The following BCAM variants were observed in gnomAD, a reference collection of about 807,000 sequenced individuals.
BCAM encodes the protein basal cell adhesion molecule (Lutheran blood group), also known as basal cell adhesion molecule.
Under a neutral mutation model 72.4 loss-of-function variants are expected in BCAM, and 61 were observed. The observed-to-expected ratio is 0.84, with a 90% CI of 0.69 to 1.04. The LOEUF (loss-of-function observed/expected upper bound fraction) is 1.04. BCAM is among the 50% of genes least tolerant of loss of function. The pLI is 0.00. For missense variants in BCAM, 909 were observed against 895.0 expected (o/e 1.02, Z -0.20); for synonymous variants, 408 against 384.2 (o/e 1.06, Z -0.73).
Position 44,812,143 on chromosome 19 carries a change from A to C in BCAM, c.205-20A>C. ...GAGCGCTGGGACACCCGGAGCTGAG[A>C]GCCTGCCCCGCGCCCACAGACCGAC... On this transcript the variant is annotated intron_variant, in intron 2 of 14. Transcript: ENST00000270233. The surrounding 1 kb of genome is among the most constrained non-coding windows in gnomAD (Gnocchi z 5.3). 6.3e-7 allele frequency: 1 copy of C among 1,581,118 alleles called. No individual in the cohort carries two copies. The highest frequency in any genetic ancestry group is 1.1e-5 in the South Asian group (1 of 88,296).
In BCAM at chr19:44,819,336, G is replaced by C. The variant is rs750637876; in HGVS notation, c.1474-10G>C. On this transcript the variant is annotated splice_polypyrimidine_tract_variant and intron_variant, in intron 11 of 14. Coordinates refer to ENST00000270233, the MANE Select transcript of BCAM (RefSeq NM_005581.5). ...CCCCACCAGCCGGGGCCTGATCGGA[G>C]CCTCCATAGCCCGCAGAGCCAATCC... The C allele has an allele frequency of 1.4e-5, 23 of 1,613,870 alleles. No homozygotes were observed. The highest frequency in any genetic ancestry group is 3.3e-5 in the Admixed American group (2 of 59,994).
Position 44,812,215 on chromosome 19 carries a change from C to T in BCAM, c.257C>T (p.Ser86Phe), listed in dbSNP as rs780811692. The change falls in exon 3 of 15, where the codon TCT becomes TTT. Residue 86 changes from serine to phenylalanine, a missense_variant. Ser to Phe is a radical substitution (Grantham distance 155). Transcript: ENST00000270233. This position sits in a 1 kb window ranked among gnomAD's most constrained non-coding sequence, Gnocchi z 5.3. Reference sequence around the variant, plus strand: ...CTAGCCTCGGCTGAGATGCAGGGCTCTGAGCTCCAGGTCACAATGCACGAC... The same window carrying T: ...CTAGCCTCGGCTGAGATGCAGGGCTTTGAGCTCCAGGTCACAATGCACGAC... The part of the protein sequence containing the change: ...PRLASAEMQG[S>F]ELQVTMHDTR... The T allele has an allele frequency of 1.2e-6, 2 of 1,607,144 alleles. No individual in the cohort carries two copies. The highest frequency in any genetic ancestry group is 2.7e-5 in the African/African-American group (2 of 74,396).
intron 8 of BCAM, among the ~76,000 whole-genome samples, chr19:44,816,170 T>C (rs952772116): frequency 6.6e-6 from 1 of 151,668 alleles, no homozygotes; most frequent in African/African-American, 2.4e-5. Context: ...GTTAGCCGGG[T>C]GTGGTGGCAT....
Position 44,812,191 on chromosome 19 carries a change from TAGCCTCGGC to T in BCAM, c.234_242del (p.Ala79_Ala81del). 6.2e-7 allele frequency: 1 copy of T among 1,604,290 alleles called. No individual in the cohort carries two copies. The highest frequency in any genetic ancestry group is 8.5e-7 in the Non-Finnish European group (1 of 1,177,780). ...GACCGCTCGGGAGCTCGCCCCCGCC[TAGCCTCGGC>T]TGAGATGCAGGGCTCTGAGCTCCAG... is the stretch of plus-strand genomic sequence containing the variant. On this transcript the variant is annotated inframe_deletion, in exon 3 of 15. Transcript: ENST00000270233. The surrounding 1 kb of genome is among the most constrained non-coding windows in gnomAD (Gnocchi z 5.3).
Position 44,813,221 on chromosome 19 carries a change from G to A in BCAM, c.505-29G>A, listed in dbSNP as rs754246320. 4.3e-6 allele frequency: 7 copies of A among 1,612,250 alleles called. No individual in the cohort carries two copies. The African/African-American group carries it at 8.0e-5, about 18-fold the overall frequency. On this transcript the variant is annotated intron_variant, in intron 4 of 14. Coordinates refer to ENST00000270233, the MANE Select transcript of BCAM (RefSeq NM_005581.5). The surrounding 1 kb of genome is among the most constrained non-coding windows in gnomAD (Gnocchi z 4.2). ...CCCGACTTCAGAGTCCCAGCTCCAA[G>A]CCCAGGGCCATGCCCGTGTCTGCCT...
Position 44,821,040 on chromosome 19 carries a change from C to A in BCAM, c.*119C>A. 7.7e-7 allele frequency: 1 copy of A among 1,298,518 alleles called. No individual in the cohort carries two copies. Among genetic ancestry groups the A allele is most frequent in the Non-Finnish European group, 1.0e-6 (1 of 996,692 alleles). The allele number at this position is 1,298,518 out of a possible 1,614,324, so 80.4% of individuals were successfully genotyped here. ...TTCCCTCTTCCCTCTCCCTGCCCAG[C>A]CCTCCCTTCCTTCCTCTGCCGGCAA... On this transcript the variant is annotated 3_prime_UTR_variant, in exon 15 of 15. Transcript: ENST00000270233.
At position 44,812,624 on chromosome 19, in the gene BCAM, GA is replaced by G; in HGVS notation, c.504+77del. The G allele has an allele frequency of 6.4e-7, 1 of 1,562,426 alleles. No individual in the cohort carries two copies. Among genetic ancestry groups the G allele is most frequent in the East Asian group, 2.3e-5 (1 of 44,160 alleles). On this transcript the variant is annotated intron_variant, in intron 4 of 14. Transcript: ENST00000270233. This position sits in a 1 kb window ranked among gnomAD's most constrained non-coding sequence, Gnocchi z 5.3. ...GGGCCCTGGACTCCTGGGTCTGAGG[GA>G]GGAGGGGCTGGGGACCCCTGGGTAA...
chr19:44,812,969 A>T lies in BCAM; in HGVS notation c.505-281A>T. The T allele has an allele frequency of 4.5e-6, 2 of 446,894 alleles. No homozygotes were observed. Among genetic ancestry groups the T allele is most frequent in the Admixed American group, 4.1e-5 (1 of 24,408 alleles). The allele number at this position is 446,894 out of a possible 1,614,324, so 27.7% of individuals were successfully genotyped here. A position where few individuals can be genotyped will look rare whatever the true frequency, so the allele number is the denominator to read the frequency against. ...CGTCTCAAAAAAAAAAAAAAAAAGA[A>T]GAAGAAAAGAAAAAAGAAAGGAAGG... is the stretch of plus-strand genomic sequence containing the variant. On this transcript the variant is annotated intron_variant, in intron 4 of 14. Transcript: ENST00000270233. This position sits in a 1 kb window ranked among gnomAD's most constrained non-coding sequence, Gnocchi z 5.3.
At position 44,820,942 on chromosome 19, in the gene BCAM, T is replaced by C; in HGVS notation, c.*21T>C. On this transcript the variant is annotated 3_prime_UTR_variant, in exon 15 of 15. Coordinates refer to ENST00000270233, the MANE Select transcript of BCAM (RefSeq NM_005581.5). ...GCTGAGCCAAGAACCTCCTAGAGGC[T>C]GTCCCTGGACCTGGAGCTGCAGGCA... 1 of 1,554,606 alleles carries C rather than the reference T, an allele frequency of 6.4e-7. No homozygotes were observed. Among genetic ancestry groups the C allele is most frequent in the Non-Finnish European group, 8.7e-7 (1 of 1,150,474 alleles).
chr19:44,819,024 C>A (rs937453574), intron 10 of BCAM, 32 bp from the exon 11 acceptor site: 4 of 1,611,002 alleles, frequency 2.5e-6, no homozygotes, highest in Middle Eastern at 1.6e-4. Context: ...TCTCCTCTCC[C>A]TTCACTTTCT....
At position 44,814,293 on chromosome 19, in the gene BCAM, C is replaced by A. The variant is rs755329022; in HGVS notation, c.921+5C>A. On this transcript the variant is annotated splice_donor_5th_base_variant and intron_variant, in intron 7 of 14. Coordinates refer to ENST00000270233, the MANE Select transcript of BCAM (RefSeq NM_005581.5). The surrounding 1 kb of genome is among the most constrained non-coding windows in gnomAD (Gnocchi z 4.6). Reference sequence around the variant, plus strand: ...TATACGCTTTTCCGCCTTCAGGTGACCCACCCAAGGGTCCCTCTGGGATCC... The same window carrying A: ...TATACGCTTTTCCGCCTTCAGGTGAACCACCCAAGGGTCCCTCTGGGATCC... 1 of 1,592,574 alleles carries A rather than the reference C, an allele frequency of 6.3e-7. No homozygotes were observed. Among genetic ancestry groups the A allele is most frequent in the Admixed American group, 1.8e-5 (1 of 54,698 alleles).
intron 2 of BCAM, chr19:44,811,877 C>T: frequency 4.0e-6 from 2 of 505,950 alleles, no homozygotes; most frequent in South Asian, 5.0e-5. Context: ...GAGCAAGACT[C>T]TATCTCAAAA....
upstream of BCAM, chr19:44,809,088 C>G: frequency 1.5e-6 from 2 of 1,354,780 alleles, no homozygotes; most frequent in Non-Finnish European, 1.9e-6. Context: ...AGCGGCCGAG[C>G]TGCAGCCCGG....
rs56679837 is a variant in BCAM at position 44,815,467 on chromosome 19, A to G, written c.1078+707A>G. 1.2e-3 allele frequency among the ~76,000 whole-genome samples: 182 copies of G among 152,126 alleles called. 1 individual carries two copies. Among genetic ancestry groups the G allele is most frequent in the African/African-American group, 4.1e-3 (168 of 41,446 alleles). On this transcript the variant is annotated intron_variant, in intron 8 of 14. Transcript: ENST00000270233. ...TATTTCAGTAGGGGAGACAGATGGT[A>G]AATGCTAACTAAGCCCTTTCGTAAC...
At chr19:44,809,513 A>G (rs1182175999) in intron 1 of BCAM, among the ~76,000 whole-genome samples, 1 of 152,044 alleles carries the variant, frequency 6.6e-6, no homozygotes, top group Non-Finnish European at 1.5e-5. Flanking sequence ...CTGGGCCCCC[A>G]GCCCCTCTTT....
rs1968476883 is a variant in BCAM at position 44,814,570 on chromosome 19, T to C, written c.922-34T>C. 3 of 1,602,814 alleles carry C rather than the reference T, an allele frequency of 1.9e-6. No individual in the cohort carries two copies. The highest frequency in any genetic ancestry group is 2.2e-5 in the South Asian group (2 of 90,092). On this transcript the variant is annotated intron_variant, in intron 7 of 14. Coordinates refer to ENST00000270233, the MANE Select transcript of BCAM (RefSeq NM_005581.5). The surrounding 1 kb of genome is among the most constrained non-coding windows in gnomAD (Gnocchi z 4.6). ...CATGAGCCCGCTGAACCGGGGTGGC[T>C]TCTGAGCCTGGTTCCTCGTCCCCCG...
intron 12 of BCAM, 40 bp downstream of exon 12, chr19:44,819,530 G>A (rs1968551231): frequency 1.2e-6 from 2 of 1,613,274 alleles, no homozygotes; most frequent in Non-Finnish European, 1.7e-6. Flanking sequence ...CGGGTGTGGG[G>A]CAGACAGAGC....
rs1968551917 is a variant in BCAM, at chr19:44,819,574, C to T, written c.1619-8C>T. ...TGACCCACGCCTCTCTCCATCCTGT[C>T]CCTGCAGTGAGCCCCCAGACCTCCC... On this transcript the variant is annotated splice_polypyrimidine_tract_variant and splice_region_variant and intron_variant, in intron 12 of 14. Transcript: ENST00000270233. The T allele has an allele frequency of 6.2e-7, 1 of 1,612,902 alleles. No homozygotes were observed. Among genetic ancestry groups the T allele is most frequent in the African/African-American group, 1.3e-5 (1 of 74,878 alleles).
intron 8 of BCAM, among the ~76,000 whole-genome samples, chr19:44,815,838 G>GCACA (rs147388701): frequency 1.3e-5 from 2 of 149,888 alleles, no homozygotes; most frequent in African/African-American, 2.5e-5. Context: ...GACCCCATTT[G>GCACA]CACACACACA....
Sources: allele counts gnomAD v4.1 joint callset (sites outside exome capture counted in the v4.1 genomes callset), GRCh38; gene constraint gnomAD v4.1.1; non-coding constraint Gnocchi (gnomAD v3.1); transcripts MANE v1.5; gene names NCBI Gene and HGNC (gene_info 2026-07-23, HGNC 2026-07-21).